The following CSGALNACT1 variants were observed in gnomAD, a reference collection of about 807,000 sequenced individuals.
CSGALNACT1 encodes the protein chondroitin sulfate N-acetylgalactosaminyltransferase 1.
In CSGALNACT1, 52 loss-of-function variants were observed where a neutral mutation model predicts 51.0. That is an observed-to-expected ratio of 1.02 (90% CI 0.82 to 1.29). The LOEUF (loss-of-function observed/expected upper bound fraction) is 1.29. Ranked by LOEUF, CSGALNACT1 falls within the 50% of genes most tolerant of loss-of-function variation. The pLI, the probability that CSGALNACT1 is intolerant of heterozygous loss-of-function variation, is 0.00. For synonymous variants in CSGALNACT1, 341 were observed against 254.4 expected, an observed-to-expected ratio of 1.34 and a Z score of -3.24; for missense variants, 935 against 679.2, an observed-to-expected ratio of 1.38 and a Z score of -4.19.
At chr8:19,599,691 G>A (rs2049976104) in intron 2 of CSGALNACT1, among the ~76,000 whole-genome samples, 1 of 152,158 alleles carries the variant, frequency 6.6e-6, no homozygotes, top group Non-Finnish European at 1.5e-5. Context: ...CTGCTCTAAA[G>A]TTAAAGCTAC....
At chr8:19,485,222 G>A (rs558493222) in intron 4 of CSGALNACT1, among the ~76,000 whole-genome samples, 15 of 152,130 alleles carry the variant, frequency 9.9e-5, no homozygotes, top group East Asian at 5.8e-4. Context: ...TCCCATCTCG[G>A]TCAATCACAA....
chr8:19,754,598 C>G (rs2065240933), intron 1 of CSGALNACT1, among the ~76,000 whole-genome samples: 1 of 152,096 alleles, frequency 6.6e-6, no homozygotes, highest in Admixed American at 6.5e-5. Flanking sequence ...TCTTTTAAGC[C>G]CTTAACTCTA....
chr8:19,532,779 A>G (rs909378840), intron 3 of CSGALNACT1, among the ~76,000 whole-genome samples: 2 of 152,188 alleles, frequency 1.3e-5, no homozygotes, highest in African/African-American at 4.8e-5. Flanking sequence ...GAGAAGGTAC[A>G]GAGAGCGAGG....
At chr8:19,434,387 T>C (rs1008894731) in intron 6 of CSGALNACT1, among the ~76,000 whole-genome samples, 1 of 152,182 alleles carries the variant, frequency 6.6e-6, no homozygotes, top group African/African-American at 2.4e-5. Flanking sequence ...ATTCACTAAG[T>C]GTTAACATTT....
intron 1 of CSGALNACT1, among the ~76,000 whole-genome samples, chr8:19,675,155 T>C (rs1286281011): frequency 6.6e-6 from 1 of 152,212 alleles, no homozygotes; most frequent in African/African-American, 2.4e-5. Flanking sequence ...TCATGGTAAG[T>C]GCCCAGCCAT....
chr8:19,460,275 G>GAT lies in CSGALNACT1; in HGVS notation c.635-1634_635-1633insAT, dbSNP rs563382461. Among the ~76,000 whole-genome samples, 706 of 152,034 alleles carry GAT rather than the reference G, an allele frequency of 4.6e-3. 8 individuals carry two copies. The highest frequency in any genetic ancestry group is 0.016 in the African/African-American group (660 of 41,460). The stretch of plus-strand genomic sequence containing the variant: ...AGGGAGACACAGAGAGAGAGAGAGA[G>GAT]AAAGAGACCATGTTTACATACCTTT... On this transcript the variant is annotated intron_variant, in intron 4 of 9. Coordinates refer to ENST00000454498, the Ensembl canonical transcript of CSGALNACT1.
chr8:19,449,203 C>T (rs1398692543), intron 5 of CSGALNACT1, among the ~76,000 whole-genome samples: 1 of 152,062 alleles, frequency 6.6e-6, no homozygotes, highest in Non-Finnish European at 1.5e-5. Flanking sequence ...TCATACATAA[C>T]CCCTGGCTCA....
chr8:19,627,656 C>A (rs565822645), intron 1 of CSGALNACT1, among the ~76,000 whole-genome samples: 1 of 151,936 alleles, frequency 6.6e-6, no homozygotes, highest in African/African-American at 2.4e-5. Context: ...AGACCTGTCT[C>A]GAAAAACGTA....
chr8:19,702,589 C>T (rs1014883746), intron 1 of CSGALNACT1, among the ~76,000 whole-genome samples: 6 of 152,102 alleles, frequency 3.9e-5, no homozygotes, highest in African/African-American at 1.4e-4. Context: ...CTTTCCAGCA[C>T]TCCCCTTCCC....
chr8:19,528,462 C>G (rs1483423336), intron 3 of CSGALNACT1, among the ~76,000 whole-genome samples: 1 of 152,168 alleles, frequency 6.6e-6, no homozygotes, highest in African/African-American at 2.4e-5. Context: ...ACAAGGTCAA[C>G]ATGTCACCCG....
chr8:19,501,385 C>A (rs762021900), intron 4 of CSGALNACT1, among the ~76,000 whole-genome samples: 1 of 152,066 alleles, frequency 6.6e-6, no homozygotes, highest in Non-Finnish European at 1.5e-5. Flanking sequence ...AAGGCCCCAA[C>A]ACTTAATGCT....
At chr8:19,410,668 C>G (rs1159201727) in intron 8 of CSGALNACT1, among the ~76,000 whole-genome samples, 1 of 152,186 alleles carries the variant, frequency 6.6e-6, no homozygotes, top group African/African-American at 2.4e-5. Flanking sequence ...GAAGGGGGAC[C>G]CTCACATGGG....
At chr8:19,416,686 C>T (rs2056948316) in intron 8 of CSGALNACT1, among the ~76,000 whole-genome samples, 2 of 152,210 alleles carry the variant, frequency 1.3e-5, no homozygotes, top group South Asian at 2.1e-4. Flanking sequence ...CAGTCACATG[C>T]TGTACAGGTT....
intron 4 of CSGALNACT1, among the ~76,000 whole-genome samples, chr8:19,492,771 T>C (rs2074629445): frequency 6.6e-6 from 1 of 152,208 alleles, no homozygotes; most frequent in South Asian, 2.1e-4. Context: ...AAACTACTGA[T>C]ATCGTATTTA....
rs75948903 is a variant in CSGALNACT1 at position 19,728,256 on chromosome 8, T to C, written c.-297+29594A>G. 7.2e-3 allele frequency among the ~76,000 whole-genome samples: 1,097 copies of C among 152,306 alleles called. 11 individuals are homozygous for C. Among genetic ancestry groups the C allele is most frequent in the African/African-American group, 0.025 (1,041 of 41,554 alleles). Reference sequence around the variant, plus strand: ...ACACAAAGGAAACACTATGATAATTTCTACATGATTCAAAAGAAGTAGGCT... The same window carrying C: ...ACACAAAGGAAACACTATGATAATTCCTACATGATTCAAAAGAAGTAGGCT... On this transcript the variant is annotated intron_variant, in intron 1 of 1. Transcript: ENST00000517494.
intron 6 of CSGALNACT1, among the ~76,000 whole-genome samples, chr8:19,424,555 G>C (rs1391405496): frequency 6.6e-6 from 1 of 152,140 alleles, no homozygotes; most frequent in African/African-American, 2.4e-5. Context: ...CCTAGAAGTG[G>C]GGCAGCCTCC....
At chr8:19,681,831 C>A (rs149852729) in intron 1 of CSGALNACT1, among the ~76,000 whole-genome samples, 1 of 152,304 alleles carries the variant, frequency 6.6e-6, no homozygotes, top group African/African-American at 2.4e-5. Context: ...CTAGCCACAC[C>A]ATGTCATAGG....
chr8:19,507,730 C>T (rs939076622), intron 3 of CSGALNACT1, among the ~76,000 whole-genome samples: 2 of 152,148 alleles, frequency 1.3e-5, no homozygotes, highest in Non-Finnish European at 2.9e-5. Flanking sequence ...TGGGTTCAAG[C>T]GATTCCCCTG....
intron 1 of CSGALNACT1, among the ~76,000 whole-genome samples, chr8:19,680,785 G>A (rs1401778290): frequency 1.3e-5 from 2 of 151,852 alleles, no homozygotes; most frequent in Non-Finnish European, 2.9e-5. Flanking sequence ...AAACCTACAC[G>A]GTATTAGGTT....
Sources: allele counts gnomAD v4.1 joint callset (sites outside exome capture counted in the v4.1 genomes callset), GRCh38; gene constraint gnomAD v4.1.1; transcripts MANE v1.5; gene names NCBI Gene and HGNC (gene_info 2026-07-23, HGNC 2026-07-21).